Variants in VPS41 observed in about 807,000 individuals in gnomAD.
The protein encoded by VPS41 is VPS41 subunit of HOPS complex, also known as vacuolar protein sorting-associated protein 41 homolog.
A neutral mutation model predicts 130.9 loss-of-function variants in VPS41; 85 were observed. That is an observed-to-expected ratio of 0.65 (90% CI 0.55 to 0.78). The LOEUF is 0.78. VPS41 is among the 30% of genes least tolerant of loss of function. The pLI is 0.00. For synonymous variants in VPS41, 335 were observed against 332.9 expected (o/e 1.01, Z -0.07); for missense variants, 874 against 1,018.7 (o/e 0.86, Z 1.93).
In VPS41 at chr7:38,859,700, C is replaced by G. The variant is rs946623199; in HGVS notation, c.246+2845G>C. ...AGAGGCTATGATGTCTGCACAATGA[C>G]AAAATTGCCTAACGCCACATTTCTC... On this transcript the variant is annotated intron_variant, in intron 4 of 28. Coordinates refer to ENST00000310301, the MANE Select transcript of VPS41 (RefSeq NM_014396.4). Among the ~76,000 whole-genome samples, 6 of 152,256 alleles carry G rather than the reference C, an allele frequency of 3.9e-5. No homozygotes were observed. In the East Asian group the frequency reaches 1.2e-3, roughly 29 times the overall value.
intron 2 of VPS41, among the ~76,000 whole-genome samples, chr7:38,886,382 G>A (rs1342086337): frequency 7.2e-5 from 11 of 152,220 alleles, no homozygotes; most frequent in African/African-American, 2.7e-4. Flanking sequence ...CATGCCCATG[G>A]AGCCTTACTC....
At chr7:38,750,270 T>C (rs1452200682) in intron 22 of VPS41, among the ~76,000 whole-genome samples, 1 of 152,202 alleles carries the variant, frequency 6.6e-6, no homozygotes, top group Non-Finnish European at 1.5e-5. Context: ...TAGAGTGCTA[T>C]GTTTTCTACA....
At position 38,841,366 on chromosome 7, in the gene VPS41, T is replaced by G. The variant is rs372501301; in HGVS notation, c.247-11038A>C. Among the ~76,000 whole-genome samples, 21 of 152,332 alleles carry G rather than the reference T, an allele frequency of 1.4e-4. No individual in the cohort carries two copies. In the East Asian group the frequency reaches 2.1e-3, roughly 15 times the overall value. On this transcript the variant is annotated intron_variant, in intron 4 of 28. Transcript: ENST00000310301. ...TCCAAGGAACCAATCATCCAAGGTATACAAAGGAATGGCTGCCTATTTCCT... is the reference window on the plus strand; with the variant it reads ...TCCAAGGAACCAATCATCCAAGGTAGACAAAGGAATGGCTGCCTATTTCCT...
chr7:38,850,329 G>A (rs561547506), intron 4 of VPS41, among the ~76,000 whole-genome samples: 92 of 152,326 alleles, frequency 6.0e-4, no homozygotes, highest in African/African-American at 2.1e-3. Flanking sequence ...GGCATTTGAT[G>A]TTCTTCTGAG....
At chr7:38,900,929 GAA>G (rs1787126349) in intron 1 of VPS41, among the ~76,000 whole-genome samples, 2 of 152,202 alleles carry the variant, frequency 1.3e-5, no homozygotes, top group African/African-American at 4.8e-5. Flanking sequence ...GCTAGAGAGA[GAA>G]AGGCAAAGAA....
At chr7:38,811,812 G>A (rs1462984571) in intron 7 of VPS41, among the ~76,000 whole-genome samples, 4 of 151,966 alleles carry the variant, frequency 2.6e-5, no homozygotes, top group East Asian at 1.9e-4. Context: ...AAAGTTTTAA[G>A]AGTAGACAGT....
intron 4 of VPS41, among the ~76,000 whole-genome samples, chr7:38,832,321 T>TTC (rs1204514733): frequency 1.0e-4 from 14 of 134,882 alleles, no homozygotes; most frequent in Non-Finnish European, 1.9e-4. Context: ...CTTTCTTTCT[T>TTC]TTTTTTTTTT....
At chr7:38,727,137 G>A (rs1795560841) in intron 27 of VPS41, 149 bp from the exon 28 acceptor site, 2 of 589,914 alleles carry the variant, frequency 3.4e-6, no homozygotes. Context: ...ATTCCTGAGG[G>A]GTGGTATGAT....
chr7:38,895,181 G>C (rs1456163188), intron 2 of VPS41, among the ~76,000 whole-genome samples: 1 of 152,050 alleles, frequency 6.6e-6, no homozygotes, highest in African/African-American at 2.4e-5. Flanking sequence ...AGTGAACTGG[G>C]CGTGTTGGTG....
intron 21 of VPS41, among the ~76,000 whole-genome samples, 194 bp from the exon 22 acceptor site, chr7:38,752,507 T>G (rs913508530): frequency 1.3e-5 from 2 of 152,096 alleles, no homozygotes; most frequent in African/African-American, 4.8e-5. Flanking sequence ...ATAATTTCTC[T>G]AGAAGGGCCC....
intron 28 of VPS41, 136 bp downstream of exon 28, chr7:38,726,773 G>T (rs958192550): frequency 3.0e-6 from 2 of 666,602 alleles, no homozygotes; most frequent in Non-Finnish European, 4.6e-6. Context: ...ATTAATTTTT[G>T]TTATGTGATA....
intron 1 of VPS41, among the ~76,000 whole-genome samples, chr7:38,903,769 A>G (rs1584456163): frequency 6.6e-6 from 1 of 152,246 alleles, no homozygotes; most frequent in East Asian, 1.9e-4. Context: ...AAAAACCTCA[A>G]AGGAGTTGTG....
intron 25 of VPS41, chr7:38,741,238 T>C (rs1795873690): frequency 4.0e-6 from 1 of 251,272 alleles, no homozygotes; most frequent in Admixed American, 6.0e-5. Flanking sequence ...CATCCATTAT[T>C]AATAAAACCT....
chr7:38,765,345 G>A (rs936082039), intron 16 of VPS41, among the ~76,000 whole-genome samples: 2 of 151,968 alleles, frequency 1.3e-5, no homozygotes, highest in African/African-American at 4.8e-5. Flanking sequence ...TAAACACAGA[G>A]AGAATTGGAA....
intron 7 of VPS41, among the ~76,000 whole-genome samples, chr7:38,816,954 C>A (rs1295312226): frequency 6.6e-6 from 1 of 152,060 alleles, no homozygotes. Context: ...GTTGCCCAGG[C>A]TGGTTTCAAA....
chr7:38,776,504 G>A (rs1014685851), intron 11 of VPS41, among the ~76,000 whole-genome samples, 175 bp downstream of exon 11: 1 of 152,104 alleles, frequency 6.6e-6, no homozygotes, highest in Non-Finnish European at 1.5e-5. Flanking sequence ...GCAATGAGTA[G>A]AGTTTCCGGA....
Position 38,735,259 on chromosome 7 carries a change from T to C in VPS41, c.2260-6468A>G, listed in dbSNP as rs372836554. ...TCAAAAACTCTCTCTTAGAAGAAAA[T>C]TAGGAGCTTATATACTGAGAGTCAA... is the stretch of plus-strand genomic sequence containing the variant. On this transcript the variant is annotated intron_variant, in intron 25 of 28. Transcript: ENST00000310301. Among the ~76,000 whole-genome samples, 4 of 152,136 alleles carry C rather than the reference T, an allele frequency of 2.6e-5. 1 individual carries two copies. Among genetic ancestry groups the C allele is most frequent in the East Asian group, 1.9e-4 (1 of 5,180 alleles).
chr7:38,793,570 G>A (rs1338015258), intron 9 of VPS41, among the ~76,000 whole-genome samples: 1 of 152,186 alleles, frequency 6.6e-6, no homozygotes, highest in Non-Finnish European at 1.5e-5. Context: ...TCCCATGGCT[G>A]CTATAACAGA....
chr7:38,785,188 T>G (rs1784418338), intron 10 of VPS41, among the ~76,000 whole-genome samples: 1 of 152,234 alleles, frequency 6.6e-6, no homozygotes. Flanking sequence ...AGTTTAGACA[T>G]TCTGTCAGCA....
Sources: allele counts gnomAD v4.1 joint callset (sites outside exome capture counted in the v4.1 genomes callset), GRCh38; gene constraint gnomAD v4.1.1; transcripts MANE v1.5; gene names NCBI Gene and HGNC (gene_info 2026-07-23, HGNC 2026-07-21).